Variants in SRGAP3 observed in about 807,000 individuals in gnomAD.
SRGAP3 encodes the protein SLIT-ROBO Rho GTPase activating protein 3.
Under a neutral mutation model 121.1 loss-of-function variants are expected in SRGAP3, and 39 were observed. The observed-to-expected ratio is 0.32, with a 90% CI of 0.25 to 0.42. SRGAP3 has a LOEUF of 0.42. Among genes scored for constraint, SRGAP3 ranks in the 10% least tolerant of loss-of-function variants. The pLI is 1.00. For synonymous variants in SRGAP3, 601 were observed against 570.0 expected, an observed-to-expected ratio of 1.05 and a Z score of -0.77; for missense variants, 1,213 against 1,470.6, an observed-to-expected ratio of 0.82 and a Z score of 2.86.
rs1322770546 is a variant in SRGAP3 at position 9,218,650 on chromosome 3, T to A, written c.67+30235A>T. 23 of 152,108 alleles carry A rather than the reference T, an allele frequency of 1.5e-4. No homozygotes were observed. 9.4% of individuals were successfully genotyped at this position (152,108 alleles called of 1,614,324 possible). ...TTTTTTATCTTTTAATTTTACTTTT[T>A]ATTATTTATTATTTTTATTTATTTA... On this transcript the variant is annotated intron_variant, in intron 1 of 21. Coordinates refer to ENST00000383836, the MANE Select transcript of SRGAP3 (RefSeq NM_014850.4). The surrounding 1 kb of genome is among the most constrained non-coding windows in gnomAD (Gnocchi z 5.3).
intron 3 of SRGAP3, among the ~76,000 whole-genome samples, chr3:9,099,231 A>G (rs1948110759): frequency 6.6e-6 from 1 of 152,122 alleles, no homozygotes; most frequent in Non-Finnish European, 1.5e-5. Flanking sequence ...CCACACAGTG[A>G]ATGGCTGCTT....
intron 7 of SRGAP3, among the ~76,000 whole-genome samples, chr3:9,057,970 G>C (rs565963014): frequency 1.3e-5 from 2 of 152,170 alleles, no homozygotes; most frequent in African/African-American, 4.8e-5. Flanking sequence ...GTTAGAACAT[G>C]AGCCTGTGTG....
At chr3:9,347,474 G>T (rs958141662) in intron 1 of SRGAP3, among the ~76,000 whole-genome samples, 7 of 152,100 alleles carry the variant, frequency 4.6e-5, no homozygotes, top group African/African-American at 1.7e-4. Flanking sequence ...AGGGCTACGA[G>T]GTCTGAGCTA....
At chr3:9,186,921 C>T (rs997212845) in intron 1 of SRGAP3, among the ~76,000 whole-genome samples, 1 of 152,074 alleles carries the variant, frequency 6.6e-6, no homozygotes, top group African/African-American at 2.4e-5. Flanking sequence ...CTGAAGTCTC[C>T]CCACGTTCTT....
chr3:9,315,855 G>T (rs1297896264), intron 3 of SRGAP3, among the ~76,000 whole-genome samples: 2 of 151,960 alleles, frequency 1.3e-5, no homozygotes, highest in African/African-American at 4.8e-5. Context: ...AAAAGAAACT[G>T]CAGCATAAAA....
In SRGAP3 at chr3:9,042,521, G is replaced by A. The variant is rs1945068230; in HGVS notation, c.1409-4431C>T. On this transcript the variant is annotated intron_variant, in intron 10 of 21. Transcript: ENST00000383836. ...AATCTGGGTCTGAAAATAGAACTTG[G>A]GGCAAATCAACAGGCAACTCCTTAA... is the stretch of plus-strand genomic sequence containing the variant. Among the ~76,000 whole-genome samples the A allele has an allele frequency of 2.6e-5, 4 of 152,186 alleles. No homozygotes were observed. In the South Asian group the frequency reaches 8.3e-4, roughly 32 times the overall value.
intron 3 of SRGAP3, among the ~76,000 whole-genome samples, chr3:9,297,653 T>G (rs1014348041): frequency 6.6e-6 from 1 of 152,082 alleles, no homozygotes; most frequent in Admixed American, 6.6e-5. Flanking sequence ...CCCAGCACTT[T>G]GGGAGCCCGA....
At chr3:9,309,220 G>A (rs1488576967) in intron 3 of SRGAP3, among the ~76,000 whole-genome samples, 1 of 152,178 alleles carries the variant, frequency 6.6e-6, no homozygotes, top group Admixed American at 6.5e-5. Context: ...GGGACCTTGG[G>A]TGAGACCAGC....
At chr3:9,213,581 C>T (rs529930654) in intron 1 of SRGAP3, among the ~76,000 whole-genome samples, 2 of 152,336 alleles carry the variant, frequency 1.3e-5, no homozygotes, top group East Asian at 1.9e-4. Flanking sequence ...ACTGGTTTCA[C>T]GCTTCCCCTT....
chr3:9,349,688 A>C (rs2029954225), intron 1 of SRGAP3: 1 of 153,186 alleles, frequency 6.5e-6, no homozygotes, highest in Non-Finnish European at 1.5e-5. Flanking sequence ...AATTTAGTTT[A>C]TGTGTTACAT....
At chr3:9,260,715 G>A (rs1314906092) in intron 3 of SRGAP3, among the ~76,000 whole-genome samples, 1 of 152,222 alleles carries the variant, frequency 6.6e-6, no homozygotes. Flanking sequence ...GGCAACTGTG[G>A]GCGCAGCTTC....
intron 3 of SRGAP3, among the ~76,000 whole-genome samples, chr3:9,097,186 T>C (rs1948021197): frequency 2.0e-5 from 3 of 151,652 alleles, no homozygotes. Context: ...AGATGCGGTA[T>C]TGCTATGCTG....
At chr3:9,157,871 T>C (rs1950471222) in intron 1 of SRGAP3, among the ~76,000 whole-genome samples, 1 of 152,192 alleles carries the variant, frequency 6.6e-6, no homozygotes, top group African/African-American at 2.4e-5. Context: ...CAGGAAGTAA[T>C]CCTACAGGAA....
intron 13 of SRGAP3, 125 bp downstream of exon 13, chr3:9,026,810 T>TC (rs1944230006): frequency 1.9e-6 from 2 of 1,053,326 alleles, no homozygotes; most frequent in Non-Finnish European, 1.5e-6. Context: ...TGCAGTACTT[T>TC]CCCCCTCCAA....
intron 2 of SRGAP3, among the ~76,000 whole-genome samples, chr3:9,111,634 C>T (rs186096333): frequency 2.0e-5 from 3 of 152,266 alleles, no homozygotes; most frequent in Admixed American, 6.5e-5. Flanking sequence ...CAGAGCCAGA[C>T]GCCAGGCTGC....
intron 3 of SRGAP3, among the ~76,000 whole-genome samples, chr3:9,088,463 G>A (rs1947593752): frequency 6.6e-6 from 1 of 152,172 alleles, no homozygotes; most frequent in African/African-American, 2.4e-5. Context: ...GCTAAAGCCA[G>A]TTCAGCTCCC....
intron 12 of SRGAP3, among the ~76,000 whole-genome samples, chr3:9,032,132 T>C (rs907812164): frequency 2.0e-5 from 3 of 152,138 alleles, no homozygotes; most frequent in Non-Finnish European, 4.4e-5. Context: ...GAAGCAAAAC[T>C]AGGTGGGAGG....
intron 3 of SRGAP3, among the ~76,000 whole-genome samples, chr3:9,097,861 G>T (rs1447741297): frequency 6.6e-6 from 1 of 152,096 alleles, no homozygotes; most frequent in Non-Finnish European, 1.5e-5. Context: ...AACTCTGAAG[G>T]GCCATCCCAG....
chr3:9,333,944 T>G (rs1955650019), intron 1 of SRGAP3, among the ~76,000 whole-genome samples: 1 of 152,030 alleles, frequency 6.6e-6, no homozygotes. Context: ...GCAGAAATGG[T>G]AAAGAAATGC....
Sources: allele counts gnomAD v4.1 joint callset (sites outside exome capture counted in the v4.1 genomes callset), GRCh38; gene constraint gnomAD v4.1.1; non-coding constraint Gnocchi (gnomAD v3.1); transcripts MANE v1.5; gene names NCBI Gene and HGNC (gene_info 2026-07-23, HGNC 2026-07-21).